Variants in CDC14A observed in about 807,000 individuals in gnomAD.
CDC14A encodes dual specificity protein phosphatase CDC14A.
CDC14A carries 53 observed loss-of-function variants against 74.4 expected under a neutral mutation model. The ratio of observed to expected loss-of-function variants is 0.71; its 90% CI spans 0.57 to 0.89. CDC14A has a LOEUF of 0.89. Among genes scored for constraint, CDC14A ranks in the 40% least tolerant of loss-of-function variants. CDC14A has a pLI of 0.00. For synonymous variants in CDC14A, 247 were observed against 258.4 expected (o/e 0.96, Z 0.43); for missense variants, 646 against 713.7 (o/e 0.91, Z 1.08).
chr1:100,467,661 C>A (rs1294557893), intron 9 of CDC14A, among the ~76,000 whole-genome samples: 1 of 152,166 alleles, frequency 6.6e-6, no homozygotes, highest in East Asian at 1.9e-4. Flanking sequence ...CCTTCCATCT[C>A]ATCTCTCTTG....
chr1:100,383,170 AG>A (rs1656387943), intron 3 of CDC14A, among the ~76,000 whole-genome samples: 1 of 152,190 alleles, frequency 6.6e-6, no homozygotes, highest in South Asian at 2.1e-4. Flanking sequence ...CGAGTTTGCA[AG>A]GCAAGAACCC....
At chr1:100,389,180 CAAAAAAA>C (rs1196346245) in intron 3 of CDC14A, among the ~76,000 whole-genome samples, 1 of 52,238 alleles carries the variant, frequency 1.9e-5, no homozygotes, top group African/African-American at 7.1e-5. Context: ...GACCCTGTCT[CAAAAAAA>C]AAAAAAAAAA....
intron 10 of CDC14A, among the ~76,000 whole-genome samples, chr1:100,480,499 T>G (rs1289668626): frequency 6.6e-6 from 1 of 152,220 alleles, no homozygotes; most frequent in Admixed American, 6.5e-5. Flanking sequence ...TCAATGATTT[T>G]GGGTATATAC....
chr1:100,437,076 A>AC (rs1664426505), intron 5 of CDC14A, among the ~76,000 whole-genome samples: 1 of 152,108 alleles, frequency 6.6e-6, no homozygotes, highest in Non-Finnish European at 1.5e-5. Context: ...GTCCCAGCTA[A>AC]TTCAGGGGCT....
chr1:100,514,919 A>C (rs1013706178), intron 15 of CDC14A, among the ~76,000 whole-genome samples: 1 of 152,224 alleles, frequency 6.6e-6, no homozygotes, highest in Non-Finnish European at 1.5e-5. Context: ...TTACTATAAA[A>C]TGTAATTTTA....
chr1:100,380,858 C>T (rs761928549), intron 3 of CDC14A, among the ~76,000 whole-genome samples: 1 of 152,224 alleles, frequency 6.6e-6, no homozygotes, highest in Non-Finnish European at 1.5e-5. Flanking sequence ...CTCATGAAGA[C>T]CAGTCTGACT....
intron 9 of CDC14A, among the ~76,000 whole-genome samples, chr1:100,465,077 C>T (rs1041903986): frequency 6.6e-6 from 1 of 151,966 alleles, no homozygotes; most frequent in Non-Finnish European, 1.5e-5. Context: ...AGGTGCCCAC[C>T]ACCACTCCTG....
intron 11 of CDC14A, among the ~76,000 whole-genome samples, chr1:100,492,891 T>C (rs1210389189): frequency 6.6e-6 from 1 of 151,954 alleles, no homozygotes. Context: ...GGTATGTGTG[T>C]GTGTGTGAAG....
At chr1:100,419,031 A>G (rs1005469214) in intron 4 of CDC14A, among the ~76,000 whole-genome samples, 3 of 152,102 alleles carry the variant, frequency 2.0e-5, no homozygotes, top group Admixed American at 6.6e-5. Flanking sequence ...CGAAAAATAC[A>G]AAAAAGTAGC....
rs559693579 is a variant in CDC14A, at chr1:100,480,565, C to T, written c.978-3727C>T. Among the ~76,000 whole-genome samples the T allele has an allele frequency of 9.8e-5, 15 of 152,286 alleles. No individual in the cohort carries two copies. The East Asian group carries it at 2.9e-3, about 29-fold the overall frequency. On this transcript the variant is annotated intron_variant, in intron 10 of 15. Transcript: ENST00000336454. Reference sequence around the variant, plus strand: ...ATTCTATGTTTATCTTTCTGAGGAACTGTGAAACTGTTTTCCTCAACAGCT... The same window carrying T: ...ATTCTATGTTTATCTTTCTGAGGAATTGTGAAACTGTTTTCCTCAACAGCT...
At chr1:100,400,689 G>A (rs1221181160) in intron 4 of CDC14A, among the ~76,000 whole-genome samples, 1 of 152,170 alleles carries the variant, frequency 6.6e-6, no homozygotes, top group Non-Finnish European at 1.5e-5. Context: ...AACTCATACA[G>A]CATTTTCAAT....
upstream of CDC14A, among the ~76,000 whole-genome samples, chr1:100,348,066 G>A (rs1644867182): frequency 6.6e-6 from 1 of 151,960 alleles, no homozygotes; most frequent in Admixed American, 6.6e-5. Context: ...GGCGGATCAC[G>A]AGGTCAAGAG....
At chr1:100,360,204 G>A (rs1156418776) in intron 2 of CDC14A, among the ~76,000 whole-genome samples, 5 of 149,900 alleles carry the variant, frequency 3.3e-5, no homozygotes, top group South Asian at 4.2e-4. Flanking sequence ...TGCCTGCCTC[G>A]GCCTCCCAAA....
chr1:100,406,098 G>A (rs1330638956), intron 4 of CDC14A, among the ~76,000 whole-genome samples: 2 of 152,130 alleles, frequency 1.3e-5, no homozygotes, highest in African/African-American at 4.8e-5. Flanking sequence ...GTATCTCATT[G>A]TGGTTTTGAT....
chr1:100,404,838 A>G (rs1027707510), intron 4 of CDC14A, among the ~76,000 whole-genome samples: 2 of 116,518 alleles, frequency 1.7e-5, no homozygotes, highest in African/African-American at 5.6e-5. Context: ...TCAAAAAAAC[A>G]AAACAAAACA....
chr1:100,434,207 T>C (rs935856759), intron 5 of CDC14A, among the ~76,000 whole-genome samples: 22 of 152,328 alleles, frequency 1.4e-4, no homozygotes, highest in African/African-American at 4.8e-4. Context: ...TTGACTAGTA[T>C]GCCAGAAGTC....
rs1304448331 is a variant in CDC14A at position 100,519,239 on chromosome 1, G to GA, written c.*965dup. The stretch of plus-strand genomic sequence containing the variant: ...GACATCAGTTTTAAATCAATGGAGA[G>GA]AAAAAACTGAAAAAGATGCTGCTAA... On this transcript the variant is annotated 3_prime_UTR_variant, in exon 16 of 16. Coordinates refer to ENST00000336454, the MANE Select transcript of CDC14A (RefSeq NM_003672.4). The GA allele has an allele frequency of 6.6e-6, 1 of 151,956 alleles. No individual in the cohort carries two copies. Among genetic ancestry groups the GA allele is most frequent in the Non-Finnish European group, 1.5e-5 (1 of 67,946 alleles). 9.4% of individuals were successfully genotyped at this position (151,956 alleles called of 1,614,324 possible).
chr1:100,377,996 A>G (rs992676223), intron 3 of CDC14A, among the ~76,000 whole-genome samples: 6 of 148,870 alleles, frequency 4.0e-5, no homozygotes, highest in South Asian at 2.1e-4. Flanking sequence ...AGGGCTTATC[A>G]TGGCTGGAGC....
At chr1:100,451,112 G>A (rs1666098080) in intron 7 of CDC14A, among the ~76,000 whole-genome samples, 1 of 152,128 alleles carries the variant, frequency 6.6e-6, no homozygotes, top group Admixed American at 6.5e-5. Context: ...ATGATTTCTG[G>A]TTATACACAC....
Sources: allele counts gnomAD v4.1 joint callset (sites outside exome capture counted in the v4.1 genomes callset), GRCh38; gene constraint gnomAD v4.1.1; transcripts MANE v1.5; gene names NCBI Gene and HGNC (gene_info 2026-07-23, HGNC 2026-07-21).